CHODL: variants seen among roughly 807,000 people sequenced by gnomAD.
The protein encoded by CHODL is chondrolectin, also known as transmembrane protein MT75.
Under a neutral mutation model 34.5 loss-of-function variants are expected in CHODL, and 29 were observed. The observed-to-expected ratio is 0.84, with a 90% CI of 0.63 to 1.15. CHODL has a LOEUF of 1.15. CHODL is among the 50% of genes most tolerant of loss of function. CHODL has a pLI of 0.00. For synonymous variants in CHODL, 125 were observed against 116.1 expected, an observed-to-expected ratio of 1.08 and a Z score of -0.49; for missense variants, 332 against 332.5, an observed-to-expected ratio of 1.00 and a Z score of 0.01.
In CHODL at chr21:18,245,047, C is replaced by A; in HGVS notation, c.-177C>A. Reference sequence around the variant, plus strand: ...ACATCCACGCGCGGCACAGGCGCGGCAGGCGGCAGGTCCCGGCCGAAGGCG... The same window carrying A: ...ACATCCACGCGCGGCACAGGCGCGGAAGGCGGCAGGTCCCGGCCGAAGGCG... On this transcript the variant is annotated 5_prime_UTR_variant, in exon 1 of 6. Coordinates refer to ENST00000299295, the MANE Select transcript of CHODL (RefSeq NM_024944.3). 2.0e-6 allele frequency: 1 copy of A among 508,956 alleles called. No individual in the cohort carries two copies. The highest frequency in any genetic ancestry group is 3.3e-6 in the Non-Finnish European group (1 of 300,950). 31.5% of individuals were successfully genotyped at this position (508,956 alleles called of 1,614,324 possible). A position where few individuals can be genotyped will look rare whatever the true frequency, so the allele number is the denominator to read the frequency against.
chr21:18,013,807 G>A (rs550040196), intron 1 of CHODL, among the ~76,000 whole-genome samples: 67 of 151,492 alleles, frequency 4.4e-4, no homozygotes, highest in South Asian at 1.9e-3. Flanking sequence ...GCTAATTTTT[G>A]TATTTTTAGT....
intron 2 of CHODL, among the ~76,000 whole-genome samples, chr21:18,199,381 T>C (rs1172788400): frequency 6.6e-6 from 1 of 152,150 alleles, no homozygotes; most frequent in African/African-American, 2.4e-5. Flanking sequence ...GAGAGTTTCC[T>C]TCCCATATAC....
At chr21:17,973,944 C>T (rs1031414047) in intron 1 of CHODL, among the ~76,000 whole-genome samples, 1 of 152,080 alleles carries the variant, frequency 6.6e-6, no homozygotes, top group Non-Finnish European at 1.5e-5. Flanking sequence ...AATGTATGTA[C>T]TGGGGAAATA....
chr21:17,937,808 G>C (rs374649036), intron 1 of CHODL, among the ~76,000 whole-genome samples: 1 of 151,554 alleles, frequency 6.6e-6, no homozygotes, highest in Non-Finnish European at 1.5e-5. Context: ...ATAAAATTTT[G>C]TCATCTCATT....
chr21:17,935,186 G>T (rs2146324409), intron 1 of CHODL, among the ~76,000 whole-genome samples: 1 of 152,074 alleles, frequency 6.6e-6, no homozygotes, highest in African/African-American at 2.4e-5. Context: ...TTTCTTGAGG[G>T]TTTCATATAT....
At chr21:18,089,847 T>C (rs1023492713) in intron 2 of CHODL, among the ~76,000 whole-genome samples, 3 of 152,210 alleles carry the variant, frequency 2.0e-5, no homozygotes, top group Non-Finnish European at 4.4e-5. Context: ...TTTATCTTGA[T>C]AAGCCAAAGC....
intron 1 of CHODL, among the ~76,000 whole-genome samples, chr21:17,953,238 T>G (rs1036720750): frequency 4.6e-5 from 7 of 152,160 alleles, no homozygotes; most frequent in African/African-American, 7.2e-5. Context: ...CAAAGCAGAC[T>G]GTAATAAGTT....
At chr21:18,132,686 T>C (rs2072671352) in intron 2 of CHODL, among the ~76,000 whole-genome samples, 1 of 152,156 alleles carries the variant, frequency 6.6e-6, no homozygotes, top group South Asian at 2.1e-4. Context: ...TTGAATTCCA[T>C]ATCCAACTGT....
chr21:18,133,505 G>A (rs1270804303), intron 2 of CHODL, among the ~76,000 whole-genome samples: 1 of 152,106 alleles, frequency 6.6e-6, no homozygotes, highest in Non-Finnish European at 1.5e-5. Flanking sequence ...TGGGTTTCAT[G>A]CATTTCTGCA....
At chr21:17,922,332 T>C (rs2063189423) in intron 1 of CHODL, among the ~76,000 whole-genome samples, 1 of 152,202 alleles carries the variant, frequency 6.6e-6, no homozygotes, top group Non-Finnish European at 1.5e-5. Context: ...AGAGAAAATT[T>C]ACAACATTGT....
At chr21:18,070,575 C>G (rs747576309) in intron 2 of CHODL, among the ~76,000 whole-genome samples, 9 of 152,172 alleles carry the variant, frequency 5.9e-5, no homozygotes, top group Non-Finnish European at 8.8e-5. Context: ...TTTAATTACA[C>G]TGGGCAATAA....
chr21:18,004,832 CAA>C (rs66656507), intron 1 of CHODL, among the ~76,000 whole-genome samples: 42 of 129,538 alleles, frequency 3.2e-4, no homozygotes, highest in African/African-American at 5.1e-4. Context: ...TAAAAAATTG[CAA>C]AAAAAAAAAA....
chr21:17,952,466 C>T (rs747619290), intron 1 of CHODL, among the ~76,000 whole-genome samples: 1 of 151,838 alleles, frequency 6.6e-6, no homozygotes. Context: ...CGAAAAATTA[C>T]TTACCGTTAA....
At chr21:18,215,093 C>T (rs923208224) in intron 2 of CHODL, among the ~76,000 whole-genome samples, 2 of 151,756 alleles carry the variant, frequency 1.3e-5, no homozygotes, top group African/African-American at 4.8e-5. Flanking sequence ...TGTGACTGTC[C>T]ATGATTGGCA....
intron 2 of CHODL, among the ~76,000 whole-genome samples, chr21:18,218,591 C>T (rs2073853359): frequency 6.6e-6 from 1 of 152,210 alleles, no homozygotes; most frequent in Admixed American, 6.5e-5. Flanking sequence ...TTGGGCTCCT[C>T]ATTACTTATG....
chr21:18,211,566 CCA>C (rs1348100357), intron 2 of CHODL, among the ~76,000 whole-genome samples: 3 of 152,162 alleles, frequency 2.0e-5, no homozygotes, highest in Non-Finnish European at 2.9e-5. Context: ...TGCCTGAGAC[CCA>C]CAGGTTTCAA....
chr21:18,243,547 A>ATTT (rs113607712), upstream of CHODL, among the ~76,000 whole-genome samples: 67 of 144,514 alleles, frequency 4.6e-4, no homozygotes, highest in South Asian at 2.4e-3. Context: ...TTAGAATTCT[A>ATTT]TTTTTTTTTT....
intron 1 of CHODL, among the ~76,000 whole-genome samples, chr21:18,010,975 C>T (rs2064013759): frequency 6.6e-6 from 1 of 152,164 alleles, no homozygotes; most frequent in Non-Finnish European, 1.5e-5. Flanking sequence ...AGAAGACATT[C>T]TTACTTCTGA....
At chr21:17,943,721 A>C (rs995035390) in intron 1 of CHODL, among the ~76,000 whole-genome samples, 1 of 152,186 alleles carries the variant, frequency 6.6e-6, no homozygotes, top group African/African-American at 2.4e-5. Context: ...CACTCTGACC[A>C]TGCTCTCTGT....
Sources: gnomAD v4.1 joint callset for allele counts (sites outside exome capture counted in the v4.1 genomes callset) on GRCh38, gnomAD v4.1.1 for gene constraint, MANE v1.5 for transcripts, NCBI Gene and HGNC (gene_info 2026-07-23, HGNC 2026-07-21) for gene names.